The following MAP3K1 variants were observed in gnomAD, a reference collection of about 807,000 sequenced individuals.
MAP3K1 encodes MAP/ERK kinase kinase 1.
Under a neutral mutation model 144.2 loss-of-function variants are expected in MAP3K1, and 36 were observed. That is an observed-to-expected ratio of 0.25 (90% confidence interval 0.19 to 0.33). The LOEUF (loss-of-function observed/expected upper bound fraction) is 0.33. Among genes scored for constraint, MAP3K1 ranks in the 10% least tolerant of loss-of-function variants. The probability of loss-of-function intolerance (pLI) is 1.00; values close to 1 mark genes in which losing one functional copy is unlikely to be tolerated. For synonymous variants in MAP3K1, 718 were observed against 688.7 expected, an observed-to-expected ratio of 1.04 and a Z score of -0.67; for missense variants, 1,650 against 1,881.9, an observed-to-expected ratio of 0.88 and a Z score of 2.28.
At chr5:56,870,445 C>G (rs987792773) in intron 6 of MAP3K1, among the ~76,000 whole-genome samples, 6 of 152,092 alleles carry the variant, frequency 3.9e-5, no homozygotes, top group African/African-American at 1.4e-4. Flanking sequence ...AACTAAAGCC[C>G]TCTTTAGCCT....
intron 6 of MAP3K1, among the ~76,000 whole-genome samples, chr5:56,871,233 G>T (rs1747843237): frequency 6.6e-6 from 1 of 152,028 alleles, no homozygotes; most frequent in Non-Finnish European, 1.5e-5. Flanking sequence ...AGGCTTCAAG[G>T]TGTCTGGGTT....
At chr5:56,874,933 CCA>C in intron 9 of MAP3K1, 97 bp from the exon 10 acceptor site, 1 of 1,217,658 alleles carries the variant, frequency 8.2e-7, no homozygotes, top group African/African-American at 1.5e-5. Context: ...TCAGAAATGT[CCA>C]GTTTTTACGT....
chr5:56,883,748 AT>A, intron 15 of MAP3K1, 69 bp downstream of exon 15: 1 of 1,493,572 alleles, frequency 6.7e-7, no homozygotes, highest in Non-Finnish European at 9.3e-7. Flanking sequence ...AGTAAAAAGA[AT>A]AAAGGATATG....
intron 1 of MAP3K1, among the ~76,000 whole-genome samples, chr5:56,819,808 C>T (rs1295375926): frequency 6.6e-6 from 1 of 152,132 alleles, no homozygotes; most frequent in Admixed American, 6.5e-5. Context: ...TTTCCTTAGT[C>T]CTTGCCTCTT....
chr5:56,893,469 A>G, intron 19 of MAP3K1, 62 bp from the exon 20 acceptor site: 1 of 1,549,242 alleles, frequency 6.5e-7, no homozygotes, highest in Non-Finnish European at 8.9e-7. Flanking sequence ...GTCTATGCAC[A>G]TGTGTTTCTG....
At chr5:56,822,412 A>T (rs1436440519) in intron 1 of MAP3K1, among the ~76,000 whole-genome samples, 2 of 152,232 alleles carry the variant, frequency 1.3e-5, no homozygotes, top group Non-Finnish European at 2.9e-5. Context: ...GAGCCTTCTA[A>T]TAATTAGTGT....
At chr5:56,825,057 G>T (rs1163971294) in intron 1 of MAP3K1, among the ~76,000 whole-genome samples, 1 of 151,890 alleles carries the variant, frequency 6.6e-6, no homozygotes, top group Admixed American at 6.6e-5. Flanking sequence ...GCCCAGGCTG[G>T]AGTGCAATGG....
intron 1 of MAP3K1, among the ~76,000 whole-genome samples, chr5:56,854,814 C>T (rs989446590): frequency 2.6e-5 from 4 of 152,148 alleles, no homozygotes; most frequent in African/African-American, 9.7e-5. Context: ...CTATCAAGCA[C>T]CTTGGTCTAG....
At chr5:56,874,634 T>G (rs1303704831) in intron 9 of MAP3K1, among the ~76,000 whole-genome samples, 1 of 152,220 alleles carries the variant, frequency 6.6e-6, no homozygotes, top group East Asian at 1.9e-4. Context: ...TTTGTTTGTT[T>G]GTTTGTTTTC....
chr5:56,816,569 C>T (rs1745977020), intron 1 of MAP3K1, among the ~76,000 whole-genome samples: 1 of 152,080 alleles, frequency 6.6e-6, no homozygotes, highest in African/African-American at 2.4e-5. Flanking sequence ...TAGCAGGTCC[C>T]AGCGGCCGTG....
At position 56,882,559 on chromosome 5, in the gene MAP3K1, G is replaced by A; in HGVS notation, c.3359G>A (p.Cys1120Tyr). Residue 1120 changes from cysteine to tyrosine, a missense_variant, in exon 14 of 20, where the codon TGC (cysteine) becomes TAC (tyrosine). This residue lies in a region of MAP3K1 where 841 missense variants were observed against 886.5 expected (regional missense o/e 0.95). Coordinates refer to ENST00000399503, the MANE Select transcript of MAP3K1 (RefSeq NM_005921.2). Reference protein sequence around the residue: ...ETVFTPVEEKCRLDVNTELNS... With the variant: ...ETVFTPVEEKYRLDVNTELNS... The stretch of plus-strand genomic sequence containing the variant: ...GTGTTCACCCCAGTAGAGGAGAAAT[G>A]CAGATTAGATGTCAATACAGAGCTC... The A allele has an allele frequency of 6.2e-7, 1 of 1,614,158 alleles. No individual in the cohort carries two copies. The highest frequency in any genetic ancestry group is 8.5e-7 in the Non-Finnish European group (1 of 1,180,010).
At chr5:56,868,356 A>G (rs1479610396) in intron 6 of MAP3K1, among the ~76,000 whole-genome samples, 1 of 152,080 alleles carries the variant, frequency 6.6e-6, no homozygotes, top group Middle Eastern at 3.2e-3. Context: ...AAAAAAAATG[A>G]GTACAAAGAT....
intron 1 of MAP3K1, among the ~76,000 whole-genome samples, chr5:56,848,876 C>G: frequency 6.6e-6 from 1 of 152,152 alleles, no homozygotes; most frequent in East Asian, 1.9e-4. Context: ...GTGTTATTGT[C>G]TTTGTTACTT....
At chr5:56,861,193 A>T (rs1204159439) in intron 3 of MAP3K1, among the ~76,000 whole-genome samples, 1 of 152,212 alleles carries the variant, frequency 6.6e-6, no homozygotes, top group Non-Finnish European at 1.5e-5. Flanking sequence ...GCCAGTAGGA[A>T]AAGTTTGTTG....
intron 19 of MAP3K1, among the ~76,000 whole-genome samples, chr5:56,892,469 A>G (rs1748577297): frequency 6.6e-6 from 1 of 152,232 alleles, no homozygotes; most frequent in South Asian, 2.1e-4. Flanking sequence ...GACAAATTAC[A>G]AGAAAAAAAA....
chr5:56,820,945 C>A (rs190414), intron 1 of MAP3K1: 253,343 of 314,738 alleles, frequency 0.8, 102,702 homozygotes, highest in Non-Finnish European at 0.84. Flanking sequence ...ATATATACAA[C>A]ACTGCATGTT....
Position 56,887,496 on chromosome 5 carries a change from G to T in MAP3K1, c.4233G>T (p.Gly1411=). 2 of 1,614,130 alleles carry T rather than the reference G, an allele frequency of 1.2e-6. No individual in the cohort carries two copies. The highest frequency in any genetic ancestry group is 1.1e-5 in the South Asian group (1 of 91,080). Reference sequence around the variant, plus strand: ...GAGAGTTTCAGGGACAATTACTGGGGACAATTGCATTTATGGCACCTGAGG... The same window carrying T: ...GAGAGTTTCAGGGACAATTACTGGGTACAATTGCATTTATGGCACCTGAGG... ...GAGEFQGQLL[G]TIAFMAPEVL... The change falls in exon 18 of 20, where the codon GGG becomes GGT. Residue 1411 remains glycine (G), a synonymous_variant. Coordinates refer to ENST00000399503, the MANE Select transcript of MAP3K1 (RefSeq NM_005921.2).
At chr5:56,852,128 T>C (rs1008162230) in intron 1 of MAP3K1, 3 of 150,932 alleles carry the variant, frequency 2.0e-5, no homozygotes, top group African/African-American at 7.3e-5. Context: ...TAAAATATCA[T>C]GGTATATTTA....
At position 56,893,550 on chromosome 5, in the gene MAP3K1, C is replaced by G; in HGVS notation, c.4409C>G (p.Ala1470Gly). 6.2e-7 allele frequency: 1 copy of G among 1,613,952 alleles called. No individual in the cohort carries two copies. The highest frequency in any genetic ancestry group is 8.5e-7 in the Non-Finnish European group (1 of 1,179,852). The change falls in exon 20 of 20, where the codon GCT becomes GGT. Residue 1470 changes from alanine to glycine, a missense_variant. Ala to Gly is a moderately conservative substitution (Grantham distance 60). Transcript: ENST00000399503. ...LIFKIASATT[A>G]PSIPSHLSPG... ...CCACAGATTGCTAGTGCAACTACTG[C>G]TCCATCGATCCCTTCACATTTGTCT...
Sources: allele counts gnomAD v4.1 joint callset (sites outside exome capture counted in the v4.1 genomes callset), GRCh38; gene constraint gnomAD v4.1.1; regional missense constraint gnomAD v4.1.1; transcripts MANE v1.5; gene names NCBI Gene and HGNC (gene_info 2026-07-23, HGNC 2026-07-21).